The following NPAS3 variants were observed in gnomAD, a reference collection of about 807,000 sequenced individuals.
NPAS3 encodes the protein neuronal PAS domain protein 3, also known as neuronal PAS domain-containing protein 3.
NPAS3 carries 14 observed loss-of-function variants against 73.1 expected under a neutral mutation model. That is an observed-to-expected ratio of 0.19 (90% CI 0.13 to 0.30). The LOEUF (loss-of-function observed/expected upper bound fraction) is 0.30, where lower values mean the gene tolerates loss of function less well. NPAS3 is among the 10% of genes least tolerant of loss of function. The pLI is 1.00. For synonymous variants in NPAS3, 620 were observed against 541.5 expected, an observed-to-expected ratio of 1.14 and a Z score of -2.01; for missense variants, 1,096 against 1,250.0, an observed-to-expected ratio of 0.88 and a Z score of 1.86.
chr14:33,801,249 C>T (rs1440836995), downstream of NPAS3: 1 of 1,437,202 alleles, frequency 7.0e-7, no homozygotes, highest in East Asian at 2.5e-5. Context: ...ATTCCACCCC[C>T]TCTTTCTTTC....
At chr14:33,661,004 G>A (rs2059290109) in intron 5 of NPAS3, among the ~76,000 whole-genome samples, 1 of 148,446 alleles carries the variant, frequency 6.7e-6, no homozygotes, top group African/African-American at 2.5e-5. Flanking sequence ...GTAAAATAAA[G>A]AGAATAACAA....
intron 5 of NPAS3, among the ~76,000 whole-genome samples, chr14:33,642,490 G>A (rs943455217): frequency 2.6e-5 from 4 of 152,106 alleles, no homozygotes; most frequent in Non-Finnish European, 4.4e-5. Flanking sequence ...GGCACTAATC[G>A]TTACTTTTGC....
intron 5 of NPAS3, among the ~76,000 whole-genome samples, chr14:33,628,277 T>C (rs1027870147): frequency 6.6e-6 from 1 of 152,196 alleles, no homozygotes; most frequent in Admixed American, 6.5e-5. Flanking sequence ...TAATAGAATA[T>C]TTAGGATTCC....
chr14:32,945,761 T>C (rs571298688), intron 1 of NPAS3, among the ~76,000 whole-genome samples: 1 of 152,324 alleles, frequency 6.6e-6, no homozygotes, highest in South Asian at 2.1e-4. Flanking sequence ...ACAGTGTTTA[T>C]GAAATTAGAG....
intron 4 of NPAS3, among the ~76,000 whole-genome samples, chr14:33,438,796 A>C (rs980452378): frequency 6.6e-6 from 1 of 152,132 alleles, no homozygotes. Context: ...ATACGTAAAA[A>C]TTTTCCACGT....
chr14:33,011,523 C>T (rs1305252945), intron 1 of NPAS3, among the ~76,000 whole-genome samples: 1 of 150,900 alleles, frequency 6.6e-6, no homozygotes, highest in Non-Finnish European at 1.5e-5. Flanking sequence ...GAAAACTCCA[C>T]ACAGACAGTG....
chr14:33,291,848 G>A (rs892947119), intron 3 of NPAS3, among the ~76,000 whole-genome samples: 24 of 152,276 alleles, frequency 1.6e-4, no homozygotes, highest in Admixed American at 1.0e-3. Flanking sequence ...GTCAGCTCCC[G>A]TGTCTCCACG....
intron 1 of NPAS3, among the ~76,000 whole-genome samples, chr14:32,957,537 A>T (rs78973587): frequency 6.6e-6 from 1 of 151,944 alleles, no homozygotes; most frequent in African/African-American, 2.4e-5. Flanking sequence ...ACGCCCGGCT[A>T]ATTTTTTTGT....
chr14:33,545,338 C>CT (rs2054791617), intron 4 of NPAS3, among the ~76,000 whole-genome samples: 2 of 152,120 alleles, frequency 1.3e-5, no homozygotes, highest in Admixed American at 6.6e-5. Flanking sequence ...GACATTCTTC[C>CT]TAAATCAGGG....
At chr14:32,937,560 T>A (rs542432507), upstream of NPAS3, among the ~76,000 whole-genome samples, 1 of 152,226 alleles carries the variant, frequency 6.6e-6, no homozygotes, top group Non-Finnish European at 1.5e-5. Context: ...ACCTGTAGAG[T>A]GTACTCCAAA....
chr14:33,802,392 G>GAAAAAAAAAAAAAAAAAAAAAAAAA (rs1161378596), downstream of NPAS3: 3 of 92,182 alleles, frequency 3.3e-5, no homozygotes, highest in East Asian at 4.1e-4. Context: ...AAAAAAAAAA[G>GAAAAAAAAAAAAAAAAAAAAAAAAA]AAAAAAAAAA....
intron 2 of NPAS3, among the ~76,000 whole-genome samples, chr14:33,183,401 G>C (rs1343328829): frequency 6.9e-6 from 1 of 144,330 alleles, no homozygotes; most frequent in Non-Finnish European, 1.5e-5. Flanking sequence ...ACTCCAGCCT[G>C]GGCGACAGAG....
chr14:33,744,803 A>G (rs2061747142), intron 7 of NPAS3, among the ~76,000 whole-genome samples: 1 of 149,920 alleles, frequency 6.7e-6, no homozygotes, highest in Non-Finnish European at 1.5e-5. Flanking sequence ...AAAGCAAATA[A>G]TAATAATAAT....
intron 4 of NPAS3, among the ~76,000 whole-genome samples, chr14:33,509,949 A>G (rs73265100): frequency 6.6e-6 from 1 of 151,980 alleles, no homozygotes; most frequent in Non-Finnish European, 1.5e-5. Flanking sequence ...CCTAGCATCA[A>G]ATCTAAAGTC....
intron 5 of NPAS3, among the ~76,000 whole-genome samples, chr14:33,625,050 T>G (rs2058182970): frequency 1.3e-5 from 2 of 152,204 alleles, no homozygotes; most frequent in East Asian, 1.9e-4. Flanking sequence ...GGGTCTGTCT[T>G]AGTGTAACAT....
intron 2 of NPAS3, among the ~76,000 whole-genome samples, chr14:33,086,726 A>C (rs1489661039): frequency 6.6e-6 from 1 of 152,262 alleles, no homozygotes; most frequent in East Asian, 1.9e-4. Flanking sequence ...AACCCTTTTA[A>C]ATGAAATATA....
chr14:33,800,711 G>A lies in NPAS3; in HGVS notation c.2404G>A (p.Val802Met), dbSNP rs1163099441. Residue 802 changes from valine to methionine, a missense_variant, in exon 12 of 12, where the codon GTG becomes ATG. Val to Met is a conservative substitution (Grantham distance 21). Transcript: ENST00000356141. This position sits in a 1 kb window ranked among gnomAD's most constrained non-coding sequence, Gnocchi z 6.5. ...GCAGAGGTTGCAGGCGGGCAACGTC[G>A]TGCTCCCGCTGGTGCACAGGGTGAC... 1 of 1,549,114 alleles carries A rather than the reference G, an allele frequency of 6.5e-7. No homozygotes were observed. The highest frequency in any genetic ancestry group is 8.7e-7 in the Non-Finnish European group (1 of 1,149,160).
intron 2 of NPAS3, among the ~76,000 whole-genome samples, chr14:33,198,457 C>T (rs2046468576): frequency 6.6e-6 from 1 of 152,204 alleles, no homozygotes; most frequent in Non-Finnish European, 1.5e-5. Context: ...ATTTACAATC[C>T]TGTAGCTAGA....
rs144355837 is a variant in NPAS3, at chr14:33,646,032, C to T, written c.559-30179C>T. On this transcript the variant is annotated intron_variant, in intron 5 of 11. Transcript: ENST00000356141. Reference sequence around the variant, plus strand: ...AGATAATTATATATGTGCTTAGTGCCGTGGATGAAAGGTGCAAGTGCTGTT... The same window carrying T: ...AGATAATTATATATGTGCTTAGTGCTGTGGATGAAAGGTGCAAGTGCTGTT... 5.2e-3 allele frequency among the ~76,000 whole-genome samples: 788 copies of T among 152,190 alleles called. 6 individuals are homozygous for T. Among genetic ancestry groups the T allele is most frequent in the African/African-American group, 0.018 (741 of 41,520 alleles).
Sources: allele counts gnomAD v4.1 joint callset (sites outside exome capture counted in the v4.1 genomes callset), GRCh38; gene constraint gnomAD v4.1.1; non-coding constraint Gnocchi (gnomAD v3.1); transcripts MANE v1.5; gene names NCBI Gene and HGNC (gene_info 2026-07-23, HGNC 2026-07-21).